The following BCORL1 variants were observed in gnomAD, a reference collection of about 807,000 sequenced individuals.
The protein encoded by BCORL1 is BCL6 corepressor like 1, also known as BCL-6 corepressor-like protein 1.
BCORL1 carries 7 observed loss-of-function variants against 87.6 expected under a neutral mutation model. The ratio of observed to expected loss-of-function variants is 0.08; its 90% CI spans 0.05 to 0.15. The LOEUF is 0.15. BCORL1 is among the 10% of genes least tolerant of loss of function. The pLI is 1.00. For missense variants in BCORL1, 1,215 were observed against 1,499.7 expected (o/e 0.81, Z 3.13); for synonymous variants, 591 against 634.4 (o/e 0.93, Z 1.03).
chrX:130,010,304 G>A (rs905187814), intron 2 of BCORL1, among the ~76,000 whole-genome samples: 4 of 111,969 alleles, frequency 3.6e-5, no homozygotes, highest in Non-Finnish European at 5.6e-5. Flanking sequence ...CCCTAAAACC[G>A]TCCCTGGCAA....
chrX:130,022,346 C>T (rs182089483), intron 5 of BCORL1, among the ~76,000 whole-genome samples: 965 of 94,883 alleles, frequency 0.01, 14 homozygotes, highest in African/African-American at 0.036. Flanking sequence ...ATCCCAGGTT[C>T]AAGTGATTCT....
chrX:130,002,646 G>A (rs1928146918), intron 1 of BCORL1, among the ~76,000 whole-genome samples: 1 of 107,854 alleles, frequency 9.3e-6, no homozygotes, highest in South Asian at 4.2e-4. Context: ...GAAAAAGACA[G>A]GGAAGGAGAG....
intron 7 of BCORL1, 75 bp downstream of exon 7, chrX:130,025,454 G>A: frequency 2.0e-6 from 2 of 992,168 alleles, no homozygotes; most frequent in Non-Finnish European, 2.7e-6. Flanking sequence ...CTCTACGCCA[G>A]CCAAAGGCTT....
chrX:130,016,032 G>A lies in BCORL1; in HGVS notation c.3260G>A (p.Gly1087Glu). 3 of 1,211,806 alleles carry A rather than the reference G, an allele frequency of 2.5e-6. No individual in the cohort carries two copies. The highest frequency in any genetic ancestry group is 3.3e-6 in the Non-Finnish European group (3 of 895,593). Residue 1087 changes from glycine to glutamate, a missense_variant, in exon 4 of 14, where the codon GGG becomes GAG. By Grantham distance (98) the Gly-to-Glu change is moderately conservative. This residue lies in a region of BCORL1 where 861 missense variants were observed against 1,010.0 expected (regional missense o/e 0.85). Transcript: ENST00000540052. ...CAAGCTGAAGTTCGGGCTAAGGCCG[G>A]GCAGGCTCGAGTGAAACAGGAAAGC... The part of the protein sequence containing the change: ...RGQAEVRAKA[G>E]QARVKQESVG...
intron 8 of BCORL1, 135 bp from the exon 9 acceptor site, chrX:130,034,320 A>T: frequency 2.5e-6 from 1 of 394,291 alleles, no homozygotes; most frequent in Non-Finnish European, 4.1e-6. Flanking sequence ...TCGGCCATTT[A>T]GGGTAGTGTA....
In BCORL1 at chrX:130,014,998, C is replaced by T; in HGVS notation, c.2226C>T (p.Pro742=). The part of the protein sequence containing the change: ...KDPNLGLNRD[P]RHLPKQEPIS... Reference sequence around the variant, plus strand: ...CCAACCTGGGCCTCAACCGTGACCCCCGCCATCTCCCCAAGCAGGAGCCCA... The same window carrying T: ...CCAACCTGGGCCTCAACCGTGACCCTCGCCATCTCCCCAAGCAGGAGCCCA... Residue 742 remains proline (P), a synonymous_variant, in exon 4 of 14, where the codon CCC becomes CCT. Coordinates refer to ENST00000540052, the MANE Select transcript of BCORL1 (RefSeq NM_001379451.1). 2 of 1,209,919 alleles carry T rather than the reference C, an allele frequency of 1.7e-6. No homozygotes were observed. The highest frequency in any genetic ancestry group is 2.2e-6 in the Non-Finnish European group (2 of 895,234).
At chrX:130,024,587 C>T (rs964865254) in intron 6 of BCORL1, among the ~76,000 whole-genome samples, 2 of 111,012 alleles carry the variant, frequency 1.8e-5, no homozygotes, top group African/African-American at 3.3e-5. Context: ...CCCAGGGACC[C>T]GTGGCCCTCT....
intron 6 of BCORL1, 124 bp downstream of exon 6, chrX:130,023,101 A>G (rs968858379): frequency 3.0e-5 from 18 of 595,482 alleles, no homozygotes; most frequent in Non-Finnish European, 4.7e-5. Context: ...CTGTGCCACA[A>G]TGCCCAGCTC....
intron 11 of BCORL1, 139 bp downstream of exon 11, chrX:130,039,421 CAA>C: frequency 1.3e-6 from 1 of 789,375 alleles, no homozygotes; most frequent in Admixed American, 3.5e-5. Flanking sequence ...TGCTTTCATT[CAA>C]AGAGCTCAAG....
intron 1 of BCORL1, among the ~76,000 whole-genome samples, chrX:130,000,098 T>C (rs1393712705): frequency 9.0e-6 from 1 of 111,498 alleles, no homozygotes; most frequent in Non-Finnish European, 1.9e-5. Flanking sequence ...CAGGCTGGAA[T>C]GCAGTGGCAC....
intron 9 of BCORL1, among the ~76,000 whole-genome samples, chrX:130,034,993 G>C (rs1930849901): frequency 9.0e-6 from 1 of 111,514 alleles, no homozygotes; most frequent in Non-Finnish European, 1.9e-5. Flanking sequence ...AGGAACAAGG[G>C]GTGATTTATT....
rs780000236 is a variant in BCORL1, at chrX:130,005,405, G to A, written c.86+88G>A. ...GATAGCTGCATACAATAGGGCCTGG[G>A]GAGGGACCCTGGGGAGGAGAAGACT... On this transcript the variant is annotated intron_variant, in intron 2 of 13. Coordinates refer to ENST00000540052, the MANE Select transcript of BCORL1 (RefSeq NM_001379451.1). 12 of 853,598 alleles carry A rather than the reference G, an allele frequency of 1.4e-5. No homozygotes were observed. In the East Asian group the frequency reaches 3.8e-4, roughly 27 times the overall value. The allele number at this position is 853,598 out of a possible 1,213,427, so 70.3% of individuals were successfully genotyped here.
At chrX:130,028,462 A>G (rs1930374910) in intron 7 of BCORL1, among the ~76,000 whole-genome samples, 173 bp from the exon 8 acceptor site, 1 of 110,035 alleles carries the variant, frequency 9.1e-6, no homozygotes, top group Non-Finnish European at 1.9e-5. Flanking sequence ...TGTTCATTCA[A>G]GAAGTATTTA....
chrX:130,034,228 C>G (rs1233495777), intron 8 of BCORL1, among the ~76,000 whole-genome samples: 1 of 111,934 alleles, frequency 8.9e-6, no homozygotes, highest in Non-Finnish European at 1.9e-5. Flanking sequence ...GCTACAAACT[C>G]ATGGGAACCT....
intron 2 of BCORL1, among the ~76,000 whole-genome samples, chrX:130,009,263 G>A (rs988125616): frequency 9.0e-5 from 10 of 110,742 alleles, no homozygotes; most frequent in Non-Finnish European, 1.3e-4. Flanking sequence ...TCGGGAGTTC[G>A]AGACCAGCCT....
At chrX:129,999,044 G>A (rs1213702042) in intron 1 of BCORL1, among the ~76,000 whole-genome samples, 1 of 103,137 alleles carries the variant, frequency 9.7e-6, no homozygotes, top group Non-Finnish European at 1.9e-5. Context: ...ATTTTAACTC[G>A]GTTTTATTTT....
In BCORL1 at chrX:130,057,646, A is replaced by G. The variant is rs910491482; in HGVS notation, c.*1510A>G. The G allele has an allele frequency of 3.0e-4, 33 of 110,404 alleles. No homozygotes were observed. The highest frequency in any genetic ancestry group is 1.1e-3 in the African/African-American group (32 of 30,257). The allele number at this position is 110,404 out of a possible 1,213,427, so 9.1% of individuals were successfully genotyped here. On this transcript the variant is annotated 3_prime_UTR_variant, in exon 14 of 14. Coordinates refer to ENST00000540052, the MANE Select transcript of BCORL1 (RefSeq NM_001379451.1). Reference sequence around the variant, plus strand: ...AAATGGAAAAAAAAAAGATTAAAAAAAAAAGGAAAAAAAAAAAGCCAGTTT... The same window carrying G: ...AAATGGAAAAAAAAAAGATTAAAAAGAAAAGGAAAAAAAAAAAGCCAGTTT...
chrX:130,014,421 A>G lies in BCORL1; in HGVS notation c.1649A>G (p.Asp550Gly). ...APDGVPGPLA[D>G]TSLVTASAKV... is the part of the protein sequence containing the mutation. ...GATGGGGTCCCTGGGCCTTTGGCAG[A>G]TACCTCCCTTGTTACTGCTTCTGCC... Residue 550 changes from aspartate to glycine, a missense_variant, in exon 4 of 14, where the codon GAT becomes GGT. By Grantham distance (94) the Asp-to-Gly change is moderately conservative. Around this residue, in one of 5 missense-constraint regions of BCORL1, gnomAD observed 861 missense variants for 1,010.0 expected, o/e 0.85. Coordinates refer to ENST00000540052, the MANE Select transcript of BCORL1 (RefSeq NM_001379451.1). 8.3e-7 allele frequency: 1 copy of G among 1,211,181 alleles called. No individual in the cohort carries two copies. The highest frequency in any genetic ancestry group is 1.1e-6 in the Non-Finnish European group (1 of 895,339).
intron 1 of BCORL1, among the ~76,000 whole-genome samples, chrX:129,991,496 G>A (rs1927149863): frequency 9.6e-6 from 1 of 104,686 alleles, no homozygotes; most frequent in Non-Finnish European, 2.0e-5. Flanking sequence ...CACCATGCCC[G>A]GACAATTGTT....
Sources: allele counts gnomAD v4.1 joint callset (sites outside exome capture counted in the v4.1 genomes callset), GRCh38; gene constraint gnomAD v4.1.1; regional missense constraint gnomAD v4.1.1; transcripts MANE v1.5; gene names NCBI Gene and HGNC (gene_info 2026-07-23, HGNC 2026-07-21).